The following DHX9 variants were observed in gnomAD, a reference collection of about 807,000 sequenced individuals.
DHX9 encodes ATP-dependent RNA helicase A.
DHX9 carries 27 observed loss-of-function variants against 148.7 expected under a neutral mutation model. That is an observed-to-expected ratio of 0.18 (90% CI 0.13 to 0.25). The LOEUF (loss-of-function observed/expected upper bound fraction) is 0.25, where lower values mean the gene tolerates loss of function less well. Ranked by LOEUF, DHX9 falls within the 10% of genes least tolerant of loss-of-function variation. The pLI, the probability that DHX9 is intolerant of heterozygous loss-of-function variation, is 1.00. For synonymous variants in DHX9, 529 were observed against 516.6 expected (o/e 1.02, Z -0.33); for missense variants, 796 against 1,559.6 (o/e 0.51, Z 8.25).
intron 3 of DHX9, among the ~76,000 whole-genome samples, chr1:182,846,237 CT>C (rs546727701): frequency 0.027 from 3,698 of 138,684 alleles, 115 homozygotes; most frequent in African/African-American, 0.079. Context: ...ACCAGATGTA[CT>C]TTTTTTTTTT....
At chr1:182,851,400 AG>A (rs1489651277) in intron 3 of DHX9, among the ~76,000 whole-genome samples, 1 of 152,222 alleles carries the variant, frequency 6.6e-6, no homozygotes, top group Non-Finnish European at 1.5e-5. Flanking sequence ...GAGTGGTCAG[AG>A]GAACAATCAT....
At chr1:182,878,255 C>A (rs1648913939) in intron 20 of DHX9, 82 bp downstream of exon 20, 1 of 1,453,262 alleles carries the variant, frequency 6.9e-7, no homozygotes, top group Non-Finnish European at 9.3e-7. Context: ...TGTAAACCTG[C>A]CAATATAAGC....
intron 7 of DHX9, among the ~76,000 whole-genome samples, chr1:182,857,379 A>G (rs1031164967): frequency 6.6e-6 from 1 of 152,224 alleles, no homozygotes; most frequent in South Asian, 2.1e-4. Context: ...TTCTATAAGG[A>G]TATGAGTAAC....
At position 182,842,644 on chromosome 1, in the gene DHX9, G is replaced by A. The variant is rs1228978235; in HGVS notation, c.78G>A (p.Val26=). ...CCCCATCCTATGAAATTAGAGCAGT[G>A]GGGAACAAAAACAGGCAGAAATTCA... ...KMTPSYEIRA[V]GNKNRQKFMC... is the part of the protein sequence containing the mutation. The change falls in exon 2 of 28, where the codon GTG becomes GTA. Residue 26 remains valine, a synonymous_variant. Coordinates refer to ENST00000367549, the MANE Select transcript of DHX9 (RefSeq NM_001357.5). The A allele has an allele frequency of 3.1e-6, 5 of 1,613,108 alleles. No homozygotes were observed. Among genetic ancestry groups the A allele is most frequent in the Non-Finnish European group, 4.2e-6 (5 of 1,179,534 alleles).
chr1:182,874,279 A>G (rs1557976592), intron 15 of DHX9, among the ~76,000 whole-genome samples: 1 of 152,216 alleles, frequency 6.6e-6, no homozygotes, highest in Non-Finnish European at 1.5e-5. Context: ...ATCAAGTTTT[A>G]ACATCATGAG....
In DHX9 at chr1:182,884,713, A is replaced by G. The variant is rs1649240298; in HGVS notation, c.3361A>G (p.Ile1121Val). 1.9e-6 allele frequency: 3 copies of G among 1,614,086 alleles called. No individual in the cohort carries two copies. The highest frequency in any genetic ancestry group is 2.2e-5 in the East Asian group (1 of 44,896). ...TGAAGTAACCAAACAACCTGCTATCATCAGCCAGTTGGACCCCGTAAATGA... is the reference window on the plus strand; with the variant it reads ...TGAAGTAACCAAACAACCTGCTATCGTCAGCCAGTTGGACCCCGTAAATGA... ...VVEVTKQPAI[I>V]SQLDPVNERM... is the part of the protein sequence containing the mutation. The change falls in exon 27 of 28, where the codon ATC becomes GTC. Residue 1121 changes from isoleucine to valine, a missense_variant. By Grantham distance (29) the Ile-to-Val change is conservative. Around this residue, in one of 14 missense-constraint regions of DHX9, gnomAD observed 86 missense variants for 156.3 expected, o/e 0.55. Coordinates refer to ENST00000367549, the MANE Select transcript of DHX9 (RefSeq NM_001357.5).
Position 182,876,154 on chromosome 1 carries a change from A to T in DHX9, c.1920A>T (p.Leu640=). ...KETPFELIEA[L]LKYIETLNVP... Reference sequence around the variant, plus strand: ...CTCCTTTTGAACTCATCGAGGCTCTACTTAAGTACATTGAAACCCTTAATG... The same window carrying T: ...CTCCTTTTGAACTCATCGAGGCTCTTCTTAAGTACATTGAAACCCTTAATG... Residue 640 remains leucine (L), a synonymous_variant, in exon 17 of 28, where the codon CTA becomes CTT. Coordinates refer to ENST00000367549, the MANE Select transcript of DHX9 (RefSeq NM_001357.5). 1 of 1,613,986 alleles carries T rather than the reference A, an allele frequency of 6.2e-7. No homozygotes were observed. Among genetic ancestry groups the T allele is most frequent in the Non-Finnish European group, 8.5e-7 (1 of 1,179,898 alleles).
intron 16 of DHX9, among the ~76,000 whole-genome samples, chr1:182,875,347 A>G (rs1648712094): frequency 6.6e-6 from 1 of 152,246 alleles, no homozygotes. Context: ...GTCAGAATCT[A>G]CAGTTTAACA....
At chr1:182,880,708 A>T in intron 22 of DHX9, 100 bp downstream of exon 22, 1 of 737,172 alleles carries the variant, frequency 1.4e-6, no homozygotes, top group Non-Finnish European at 2.3e-6. Context: ...ACAAAAAAAA[A>T]ATCCTAAATG....
chr1:182,882,619 C>T (rs866996856), intron 24 of DHX9, among the ~76,000 whole-genome samples: 1 of 152,088 alleles, frequency 6.6e-6, no homozygotes, highest in African/African-American at 2.4e-5. Flanking sequence ...GTAATCCCAG[C>T]GCTTTGGGAG....
chr1:182,881,794 G>A, intron 24 of DHX9, 147 bp downstream of exon 24: 1 of 825,572 alleles, frequency 1.2e-6, no homozygotes, highest in Non-Finnish European at 1.8e-6. Context: ...GTGAACACTG[G>A]TCTAGTTCCC....
chr1:182,858,508 T>A, intron 8 of DHX9, 43 bp from the exon 9 acceptor site: 1 of 1,499,126 alleles, frequency 6.7e-7, no homozygotes, highest in Non-Finnish European at 9.2e-7. Flanking sequence ...CCCATTATAG[T>A]AGATTTGAGT....
Position 182,881,291 on chromosome 1 carries a change from T to C in DHX9, c.2652T>C (p.Ala884=). The C allele has an allele frequency of 6.2e-7, 1 of 1,614,076 alleles. No homozygotes were observed. Among genetic ancestry groups the C allele is most frequent in the Non-Finnish European group, 8.5e-7 (1 of 1,179,990 alleles). Residue 884 remains alanine (A), a synonymous_variant, in exon 23 of 28, where the codon GCT becomes GCC. Transcript: ENST00000367549. ...FYVGDAICTI[A]AATCFPEPFI... is the part of the protein sequence containing the mutation. ...TGGGAGATGCTATCTGTACCATTGCTGCTGCTACCTGCTTTCCAGAGCCTT... is the reference window on the plus strand; with the variant it reads ...TGGGAGATGCTATCTGTACCATTGCCGCTGCTACCTGCTTTCCAGAGCCTT...
intron 4 of DHX9, 64 bp downstream of exon 4, chr1:182,852,408 C>G: frequency 8.4e-7 from 1 of 1,186,326 alleles, no homozygotes; most frequent in Non-Finnish European, 1.2e-6. Flanking sequence ...ATCACCATCT[C>G]TGTTTCTCGT....
chr1:182,851,300 A>C (rs1438959601), intron 3 of DHX9, among the ~76,000 whole-genome samples: 2 of 152,216 alleles, frequency 1.3e-5, no homozygotes, highest in Non-Finnish European at 2.9e-5. Context: ...AAAAAACCCT[A>C]AGAGACAATT....
rs191365677 is a variant in DHX9, at chr1:182,880,408, A to G, written c.2513-89A>G. 124 of 797,088 alleles carry G rather than the reference A, an allele frequency of 1.6e-4. 2 individuals are homozygous for G. The Middle Eastern group carries it at 5.1e-3, about 33-fold the overall frequency. The allele number at this position is 797,088 out of a possible 1,614,324, so 49.4% of individuals were successfully genotyped here. A position where few individuals can be genotyped will look rare whatever the true frequency, so the allele number is the denominator to read the frequency against. On this transcript the variant is annotated intron_variant, in intron 21 of 27. Coordinates refer to ENST00000367549, the MANE Select transcript of DHX9 (RefSeq NM_001357.5). ...TGGCTTGACAAAAGAGGAACTCTAA[A>G]CTGTCTTAACCTTAATTTAGAGTAA...
At chr1:182,866,738 G>A (rs753881581) in intron 13 of DHX9, among the ~76,000 whole-genome samples, 153 bp downstream of exon 13, 8 of 152,172 alleles carry the variant, frequency 5.3e-5, no homozygotes, top group Non-Finnish European at 1.0e-4. Flanking sequence ...TTCATGGAAA[G>A]TATGATATAC....
Position 182,875,017 on chromosome 1 carries a change from G to C in DHX9, c.1815+63G>C. 3.1e-6 allele frequency: 4 copies of C among 1,305,068 alleles called. 1 individual carries two copies. In the Admixed American group the frequency reaches 7.0e-5, roughly 23 times the overall value. The allele number at this position is 1,305,068 out of a possible 1,614,324, so 80.8% of individuals were successfully genotyped here. A position where few individuals can be genotyped will look rare whatever the true frequency, so the allele number is the denominator to read the frequency against. ...ATTGTCAATGCAGAGAAAAAAATGAGTTAATGTAACATGCAATGTATTAGC... is the reference window on the plus strand; with the variant it reads ...ATTGTCAATGCAGAGAAAAAAATGACTTAATGTAACATGCAATGTATTAGC... On this transcript the variant is annotated intron_variant, in intron 16 of 27. Coordinates refer to ENST00000367549, the MANE Select transcript of DHX9 (RefSeq NM_001357.5).
chr1:182,852,379 T>G (rs1236230262), intron 4 of DHX9, 35 bp downstream of exon 4: 1 of 1,423,056 alleles, frequency 7.0e-7, no homozygotes, highest in African/African-American at 1.4e-5. Flanking sequence ...TGGTGGAGAA[T>G]AAGATATACA....
Sources: gnomAD v4.1 joint callset for allele counts (sites outside exome capture counted in the v4.1 genomes callset) on GRCh38, gnomAD v4.1.1 for gene constraint, gnomAD v4.1.1 regional missense constraint, MANE v1.5 for transcripts, NCBI Gene and HGNC (gene_info 2026-07-23, HGNC 2026-07-21) for gene names.